PRKG1: variants seen among roughly 807,000 people sequenced by gnomAD.
PRKG1 encodes protein kinase cGMP-dependent 1, also known as cGMP-dependent protein kinase 1.
Under a neutral mutation model 88.1 loss-of-function variants are expected in PRKG1, and 35 were observed. The ratio of observed to expected loss-of-function variants is 0.40; its 90% CI spans 0.30 to 0.53. The LOEUF (loss-of-function observed/expected upper bound fraction) is 0.53. PRKG1 is among the 20% of genes least tolerant of loss of function. The probability of loss-of-function intolerance (pLI) is 0.59; values close to 1 mark genes in which losing one functional copy is unlikely to be tolerated. For missense variants in PRKG1, 540 were observed against 839.8 expected (o/e 0.64, Z 4.41); for synonymous variants, 303 against 292.5 (o/e 1.04, Z -0.37).
chr10:52,116,865 C>A (rs183279771), intron 7 of PRKG1, among the ~76,000 whole-genome samples: 272 of 151,864 alleles, frequency 1.8e-3, no homozygotes, highest in Non-Finnish European at 4.6e-4. Flanking sequence ...AACTGATAGG[C>A]AGAGAACTTA....
At chr10:51,790,894 C>T (rs909476564) in intron 3 of PRKG1, among the ~76,000 whole-genome samples, 20 of 152,106 alleles carry the variant, frequency 1.3e-4, no homozygotes, top group African/African-American at 3.6e-4. Context: ...ATTTACCATC[C>T]AATTCAGTAA....
At chr10:51,114,413 A>T (rs1416291264) in intron 1 of PRKG1, among the ~76,000 whole-genome samples, 1 of 146,480 alleles carries the variant, frequency 6.8e-6, no homozygotes, top group East Asian at 2.1e-4. Context: ...AGTTGTATTG[A>T]TTGTCTGCTA....
At chr10:51,985,670 T>C (rs998660042) in intron 5 of PRKG1, among the ~76,000 whole-genome samples, 3 of 152,324 alleles carry the variant, frequency 2.0e-5, no homozygotes, top group African/African-American at 7.2e-5. Context: ...TTTCTATTTG[T>C]AGTCTGCTGC....
Position 51,962,130 on chromosome 10 carries a change from T to C in PRKG1, c.762+54560T>C, listed in dbSNP as rs79368469. Among the ~76,000 whole-genome samples the C allele has an allele frequency of 1.8e-3, 276 of 152,178 alleles. 1 individual carries two copies. The highest frequency in any genetic ancestry group is 6.1e-3 in the African/African-American group (252 of 41,510). The stretch of plus-strand genomic sequence containing the variant: ...AGTACACCACAGGCTGGAAGACTCT[T>C]GGTTGGGAGAGAAGGGTCAGGAAGG... On this transcript the variant is annotated intron_variant, in intron 5 of 17. Transcript: ENST00000373980.
chr10:52,176,173 C>CTTTTTTTTTTTTTTT lies in PRKG1; in HGVS notation c.1076+14217_1076+14231dup, dbSNP rs140722137. On this transcript the variant is annotated intron_variant, in intron 9 of 17. Transcript: ENST00000373980. ...TCGATTTTGAGTTTTTTCTTTTTCT[C>CTTTTTTTTTTTTTTT]TTTTTTTTTTTTTTTTTTTTTGTAG... Among the ~76,000 whole-genome samples, 2 of 95,672 alleles carry CTTTTTTTTTTTTTTT rather than the reference C, an allele frequency of 2.1e-5. 1 individual carries two copies. Among genetic ancestry groups the CTTTTTTTTTTTTTTT allele is most frequent in the Non-Finnish European group, 4.1e-5 (2 of 49,232 alleles). 62.8% of individuals were successfully genotyped at this position (95,672 alleles called of 152,430 possible). A position where few individuals can be genotyped will look rare whatever the true frequency, so the allele number is the denominator to read the frequency against.
At chr10:51,504,049 A>C (rs12257749) in intron 3 of PRKG1, among the ~76,000 whole-genome samples, 48,005 of 152,056 alleles carry the variant, frequency 0.32, 7,973 homozygotes, top group Non-Finnish European at 0.38. Context: ...AAGTTTATTT[A>C]TTGGGATAAT....
At chr10:51,032,738 G>A (rs567032728) in intron 1 of PRKG1, among the ~76,000 whole-genome samples, 58 of 152,156 alleles carry the variant, frequency 3.8e-4, no homozygotes, top group African/African-American at 1.3e-3. Flanking sequence ...CATGCAGTGG[G>A]GGGGTGACTC....
chr10:52,053,845 G>A (rs1158382203), intron 5 of PRKG1, among the ~76,000 whole-genome samples: 4 of 152,164 alleles, frequency 2.6e-5, no homozygotes, highest in Non-Finnish European at 4.4e-5. Context: ...CTAAACTGCT[G>A]AAGCAAGAAC....
At chr10:51,816,537 ATGTGTGTGTG>A (rs35430934) in intron 4 of PRKG1, among the ~76,000 whole-genome samples, 2,054 of 146,026 alleles carry the variant, frequency 0.014, 55 homozygotes, top group African/African-American at 0.048. Context: ...TAATTTTGGC[ATGTGTGTGTG>A]TGTGTGTGTG....
intron 3 of PRKG1, among the ~76,000 whole-genome samples, chr10:51,513,865 A>G (rs1451693840): frequency 1.9e-5 from 2 of 105,638 alleles, no homozygotes; most frequent in African/African-American, 8.0e-5. Flanking sequence ...AGGGAAATTT[A>G]TAGCACTAAA....
At chr10:51,337,642 T>TG (rs1841909188) in intron 2 of PRKG1, among the ~76,000 whole-genome samples, 1 of 151,900 alleles carries the variant, frequency 6.6e-6, no homozygotes, top group Non-Finnish European at 1.5e-5. Context: ...CACAAACATA[T>TG]GAAAAAAAGC....
chr10:51,346,321 G>C (rs934188700), intron 2 of PRKG1, among the ~76,000 whole-genome samples: 60 of 152,128 alleles, frequency 3.9e-4, no homozygotes, highest in Non-Finnish European at 8.1e-4. Context: ...ATTTGCGGCT[G>C]GGTTTTATTT....
At chr10:51,125,659 G>A (rs1050062446) in intron 1 of PRKG1, among the ~76,000 whole-genome samples, 8 of 147,618 alleles carry the variant, frequency 5.4e-5, no homozygotes, top group Non-Finnish European at 1.0e-4. Flanking sequence ...TCCAGCCTTG[G>A]CAACGGAGTA....
At chr10:51,281,474 A>G (rs1589310852) in intron 2 of PRKG1, among the ~76,000 whole-genome samples, 1 of 152,300 alleles carries the variant, frequency 6.6e-6, no homozygotes, top group South Asian at 2.1e-4. Flanking sequence ...TTGCTAGCAC[A>G]GCAGTCTGAG....
At chr10:51,088,905 T>C (rs1365493768) in intron 1 of PRKG1, among the ~76,000 whole-genome samples, 2 of 151,466 alleles carry the variant, frequency 1.3e-5, no homozygotes, top group East Asian at 1.9e-4. Flanking sequence ...AGTTTAAACA[T>C]TGGAAACCTA....
At chr10:51,453,436 A>G (rs1302715776) in intron 2 of PRKG1, among the ~76,000 whole-genome samples, 1 of 151,808 alleles carries the variant, frequency 6.6e-6, no homozygotes, top group East Asian at 1.9e-4. Flanking sequence ...AGACTTTTTA[A>G]TGTAGTCATT....
rs138495237 is a variant in PRKG1, at chr10:51,102,438, G to GA, written c.311+27547dup. 2.8e-3 allele frequency among the ~76,000 whole-genome samples: 413 copies of GA among 145,912 alleles called. 1 individual carries two copies. The highest frequency in any genetic ancestry group is 8.4e-3 in the African/African-American group (336 of 39,872). On this transcript the variant is annotated intron_variant, in intron 1 of 17. Transcript: ENST00000373980. ...TTAAAATAAAGGGTCTCTGGAGTTG[G>GA]AAAAAAAAAACAGGCAGAATTAAAG...
intron 3 of PRKG1, among the ~76,000 whole-genome samples, chr10:51,621,069 A>C (rs1049167210): frequency 2.8e-5 from 4 of 144,234 alleles, no homozygotes; most frequent in Non-Finnish European, 6.1e-5. Flanking sequence ...ACTGACTCCT[A>C]TATGTATGAG....
At chr10:51,155,601 G>A (rs1436892058) in intron 2 of PRKG1, among the ~76,000 whole-genome samples, 4 of 151,908 alleles carry the variant, frequency 2.6e-5, no homozygotes, top group Non-Finnish European at 4.4e-5. Context: ...CAGAAAAGCA[G>A]GACAAATAGG....
Sources: gnomAD v4.1 joint callset for allele counts (sites outside exome capture counted in the v4.1 genomes callset) on GRCh38, gnomAD v4.1.1 for gene constraint, MANE v1.5 for transcripts, NCBI Gene and HGNC (gene_info 2026-07-23, HGNC 2026-07-21) for gene names.